Variants in RAD51B observed in about 807,000 individuals in gnomAD.
RAD51B encodes RAD51 paralog B.
In RAD51B, 38 loss-of-function variants were observed where a neutral mutation model predicts 42.2. The observed-to-expected ratio is 0.90, with a 90% CI of 0.70 to 1.18. The LOEUF (loss-of-function observed/expected upper bound fraction) is 1.18, where lower values mean the gene tolerates loss of function less well. Among genes scored for constraint, RAD51B ranks in the 50% most tolerant of loss-of-function variants. The pLI is 0.00. For synonymous variants in RAD51B, 154 were observed against 145.2 expected (o/e 1.06, Z -0.43); for missense variants, 373 against 400.7 (o/e 0.93, Z 0.59).
chr14:68,207,391 G>A (rs976963062), intron 7 of RAD51B, among the ~76,000 whole-genome samples: 2 of 152,062 alleles, frequency 1.3e-5, no homozygotes, highest in African/African-American at 2.4e-5. Context: ...AAATAATAAG[G>A]CAAAATGGTA....
intron 7 of RAD51B, among the ~76,000 whole-genome samples, chr14:68,194,788 G>T (rs1001029078): frequency 2.6e-5 from 4 of 152,134 alleles, no homozygotes; most frequent in African/African-American, 4.8e-5. Context: ...CAAGGGGGAA[G>T]AATACTTTTA....
At chr14:68,544,340 C>A (rs931124240) in intron 10 of RAD51B, among the ~76,000 whole-genome samples, 2 of 152,226 alleles carry the variant, frequency 1.3e-5, no homozygotes, top group African/African-American at 2.4e-5. Context: ...CCACTTACTA[C>A]AGTCCTCTGC....
At chr14:68,677,671 G>A (rs1203138517) in intron 11 of RAD51B, among the ~76,000 whole-genome samples, 2 of 152,174 alleles carry the variant, frequency 1.3e-5, no homozygotes, top group African/African-American at 4.8e-5. Flanking sequence ...ACGTGTTGAG[G>A]CATGTTTGTG....
At chr14:68,200,075 G>A (rs1045518772) in intron 7 of RAD51B, among the ~76,000 whole-genome samples, 1 of 152,092 alleles carries the variant, frequency 6.6e-6, no homozygotes, top group African/African-American at 2.4e-5. Context: ...AAAATGCGGA[G>A]AATTAACCGC....
intron 10 of RAD51B, among the ~76,000 whole-genome samples, chr14:68,528,054 T>A (rs1175469656): frequency 1.3e-5 from 2 of 152,224 alleles, no homozygotes; most frequent in African/African-American, 4.8e-5. Context: ...CAGATTGCAC[T>A]AAGCCATCTA....
At chr14:68,163,161 A>G (rs1464948483) in intron 7 of RAD51B, among the ~76,000 whole-genome samples, 1 of 152,218 alleles carries the variant, frequency 6.6e-6, no homozygotes, top group Non-Finnish European at 1.5e-5. Context: ...GTAGAGTGAT[A>G]CTACAGATGG....
chr14:68,542,354 T>C (rs754776358), intron 10 of RAD51B, among the ~76,000 whole-genome samples: 23 of 152,246 alleles, frequency 1.5e-4, no homozygotes, highest in Admixed American at 3.3e-4. Context: ...GCTATTATTC[T>C]TATTATTTGC....
intron 7 of RAD51B, among the ~76,000 whole-genome samples, chr14:68,263,537 T>C (rs187465258): frequency 6.6e-6 from 1 of 152,372 alleles, no homozygotes; most frequent in Admixed American, 6.5e-5. Flanking sequence ...ATTCTAATTT[T>C]ACATTTTTAG....
intron 7 of RAD51B, among the ~76,000 whole-genome samples, chr14:68,266,838 A>G (rs2081001488): frequency 6.6e-6 from 1 of 152,256 alleles, no homozygotes; most frequent in South Asian, 2.1e-4. Flanking sequence ...CTGTGCCTCA[A>G]ATGTGTAATA....
intron 10 of RAD51B, among the ~76,000 whole-genome samples, chr14:68,627,527 C>T (rs185592346): frequency 1.3e-3 from 204 of 152,284 alleles, no homozygotes; most frequent in Middle Eastern, 3.4e-3. Flanking sequence ...CTCCAGGAGC[C>T]GCGTTTGGAA....
At chr14:68,438,530 G>C (rs900062686) in intron 9 of RAD51B, among the ~76,000 whole-genome samples, 1 of 152,144 alleles carries the variant, frequency 6.6e-6, no homozygotes, top group Non-Finnish European at 1.5e-5. Flanking sequence ...AGGCCTCAAT[G>C]ACTGCCATCA....
At chr14:68,173,758 C>A (rs550729522) in intron 7 of RAD51B, among the ~76,000 whole-genome samples, 3 of 152,168 alleles carry the variant, frequency 2.0e-5, no homozygotes, top group Non-Finnish European at 4.4e-5. Context: ...AACCATTCAA[C>A]TGCACAGATA....
chr14:68,292,253 G>A (rs1261749239), intron 8 of RAD51B, among the ~76,000 whole-genome samples: 1 of 152,190 alleles, frequency 6.6e-6, no homozygotes, highest in Admixed American at 6.5e-5. Flanking sequence ...CTGATGAATT[G>A]TTAAATGACT....
chr14:68,538,669 T>A (rs1887784121), intron 10 of RAD51B, among the ~76,000 whole-genome samples: 1 of 152,016 alleles, frequency 6.6e-6, no homozygotes, highest in South Asian at 2.1e-4. Context: ...AATTAGTTTC[T>A]AACACTAACA....
chr14:68,657,932 G>T (rs1034314492), intron 11 of RAD51B, among the ~76,000 whole-genome samples: 1 of 152,234 alleles, frequency 6.6e-6, no homozygotes, highest in Non-Finnish European at 1.5e-5. Context: ...CTCCTAAGCT[G>T]CTGCCCATGA....
At chr14:68,184,525 G>A (rs763629879) in intron 7 of RAD51B, among the ~76,000 whole-genome samples, 5 of 150,604 alleles carry the variant, frequency 3.3e-5, no homozygotes, top group South Asian at 4.2e-4. Flanking sequence ...GATTACAGGC[G>A]TGAGCCACTG....
intron 7 of RAD51B, among the ~76,000 whole-genome samples, chr14:67,919,338 G>A (rs527518478): frequency 2.6e-5 from 4 of 152,286 alleles, no homozygotes; most frequent in African/African-American, 7.2e-5. Flanking sequence ...ATGCAGTAGA[G>A]CTCTCTGCCT....
intron 8 of RAD51B, among the ~76,000 whole-genome samples, chr14:68,370,285 A>G (rs1029209896): frequency 5.3e-5 from 8 of 152,280 alleles, no homozygotes; most frequent in African/African-American, 1.9e-4. Flanking sequence ...CATGTTTAAA[A>G]CTCTTTACCA....
intron 7 of RAD51B, among the ~76,000 whole-genome samples, chr14:67,935,243 T>C (rs1201312720): frequency 6.6e-6 from 1 of 152,190 alleles, no homozygotes; most frequent in African/African-American, 2.4e-5. Context: ...TTTTTACATA[T>C]GTGAGGATGA....
Sources: gnomAD v4.1 joint callset for allele counts (sites outside exome capture counted in the v4.1 genomes callset) on GRCh38, gnomAD v4.1.1 for gene constraint, MANE v1.5 for transcripts, NCBI Gene and HGNC (gene_info 2026-07-23, HGNC 2026-07-21) for gene names.